Variants in CLECL1 observed in about 807,000 individuals in gnomAD.
CLECL1 encodes C-type lectin-like domain family 1.
At chr12:9,733,936 G>A (rs1866485701), upstream of CLECL1, among the ~76,000 whole-genome samples, 1 of 152,180 alleles carries the variant, frequency 6.6e-6, no homozygotes, top group Non-Finnish European at 1.5e-5. Context: ...ATGGAGATGT[G>A]ATCATTGATG....
downstream of CLECL1, among the ~76,000 whole-genome samples, chr12:9,719,520 T>C (rs187346365): frequency 9.2e-3 from 1,406 of 152,190 alleles, 18 homozygotes; most frequent in African/African-American, 0.029. Context: ...AGCGAGACTT[T>C]GTCTCAAAAA....
At chr12:9,711,931 G>A (rs1866203684), downstream of CLECL1, among the ~76,000 whole-genome samples, 1 of 152,130 alleles carries the variant, frequency 6.6e-6, no homozygotes, top group Non-Finnish European at 1.5e-5. Context: ...TGAAAGCCTA[G>A]TCTTTACTTC....
At chr12:9,724,783 A>G (rs1866359347) in intron 3 of CLECL1, among the ~76,000 whole-genome samples, 1 of 152,174 alleles carries the variant, frequency 6.6e-6, no homozygotes, top group African/African-American at 2.4e-5. Flanking sequence ...TGAAGATACA[A>G]TAATTGAAAT....
chr12:9,722,411 C>T (rs1866324127), downstream of CLECL1: 3 of 704,126 alleles, frequency 4.3e-6, no homozygotes, highest in Non-Finnish European at 6.1e-6. Context: ...GCAATGGTCC[C>T]TTGGAGAGAA....
chr12:9,732,759 A>G (rs1866462059), intron 1 of CLECL1, among the ~76,000 whole-genome samples, 190 bp downstream of exon 1: 1 of 152,206 alleles, frequency 6.6e-6, no homozygotes. Context: ...ATTAAAACCA[A>G]AGTGGCAATT....
chr12:9,707,076 C>T, the CLECL1 span, among the ~76,000 whole-genome samples: 7 of 152,204 alleles, frequency 4.6e-5, no homozygotes, highest in East Asian at 5.8e-4. Flanking sequence ...CCCCTGGTTC[C>T]GTCTTGGGAA....
intron 3 of CLECL1, among the ~76,000 whole-genome samples, chr12:9,723,078 C>G (rs1407612013): frequency 6.6e-6 from 1 of 152,144 alleles, no homozygotes; most frequent in African/African-American, 2.4e-5. Context: ...CCAGGAAATG[C>G]ACCAGACACT....
At chr12:9,726,390 G>A (rs1225848806) in intron 3 of CLECL1, among the ~76,000 whole-genome samples, 1 of 151,928 alleles carries the variant, frequency 6.6e-6, no homozygotes, top group Non-Finnish European at 1.5e-5. Context: ...AAAGCAGCAG[G>A]AAAAGGGATA....
At chr12:9,732,884 A>G in intron 1 of CLECL1, 65 bp downstream of exon 1, 2 of 1,325,242 alleles carry the variant, frequency 1.5e-6, no homozygotes, top group South Asian at 1.5e-5. Context: ...TAGATACATA[A>G]GAAAGAAATA....
At chr12:9,715,223 G>C (rs762725309), downstream of CLECL1, among the ~76,000 whole-genome samples, 6 of 152,248 alleles carry the variant, frequency 3.9e-5, no homozygotes, top group South Asian at 1.2e-3. Flanking sequence ...TTTCTGCTGC[G>C]TAACTTTTTT....
chr12:9,705,568 T>A, the CLECL1 span, among the ~76,000 whole-genome samples: 2 of 152,198 alleles, frequency 1.3e-5, no homozygotes, highest in Non-Finnish European at 2.9e-5. Context: ...CCATCTTGAG[T>A]TGATTTTTGT....
At chr12:9,732,579 G>A (rs1591721369) in intron 1 of CLECL1, among the ~76,000 whole-genome samples, 1 of 152,178 alleles carries the variant, frequency 6.6e-6, no homozygotes, top group African/African-American at 2.4e-5. Context: ...ATTTTTCCCA[G>A]TGGAGATGAA....
intron 2 of CLECL1, among the ~76,000 whole-genome samples, chr12:9,717,247 A>G (rs774294683): frequency 1.3e-5 from 2 of 152,290 alleles, no homozygotes; most frequent in South Asian, 4.1e-4. Context: ...CGTCTGTACT[A>G]AAAATACAAA....
At chr12:9,711,862 A>T (rs1472460149), downstream of CLECL1, among the ~76,000 whole-genome samples, 1 of 152,164 alleles carries the variant, frequency 6.6e-6, no homozygotes, top group African/African-American at 2.4e-5. Flanking sequence ...ATCTAACTGG[A>T]TTCCTGACAT....
At chr12:9,704,316 G>A in the CLECL1 span, among the ~76,000 whole-genome samples, 2 of 152,126 alleles carry the variant, frequency 1.3e-5, no homozygotes, top group African/African-American at 4.8e-5. Context: ...CCAAGGCCTT[G>A]AACAATTTCT....
chr12:9,709,262 C>T, the CLECL1 span: 3 of 152,388 alleles, frequency 2.0e-5, no homozygotes, highest in African/African-American at 7.2e-5. Flanking sequence ...CAGAGGCACC[C>T]CCAACAGGGG....
chr12:9,731,121 A>G (rs1488604162), intron 1 of CLECL1, among the ~76,000 whole-genome samples: 1 of 152,236 alleles, frequency 6.6e-6, no homozygotes, highest in Admixed American at 6.5e-5. Context: ...AGATTTAAGC[A>G]AAGCATAAAT....
At chr12:9,711,973 C>T (rs774628253), downstream of CLECL1, among the ~76,000 whole-genome samples, 35 of 152,224 alleles carry the variant, frequency 2.3e-4, no homozygotes, top group Non-Finnish European at 3.5e-4. Context: ...TTATCATTAT[C>T]GAATACATCT....
the CLECL1 span, among the ~76,000 whole-genome samples, chr12:9,710,285 A>G: frequency 6.6e-6 from 1 of 152,162 alleles, no homozygotes; most frequent in East Asian, 1.9e-4. Context: ...AGAGCCTCAG[A>G]TGATGGCTCC....
Sources: allele counts gnomAD v4.1 joint callset (sites outside exome capture counted in the v4.1 genomes callset), GRCh38; gene constraint gnomAD v4.1.1; transcripts MANE v1.5; gene names NCBI Gene and HGNC (gene_info 2026-07-23, HGNC 2026-07-21).